Variants in SLC30A8 observed in about 807,000 individuals in gnomAD.
The protein encoded by SLC30A8 is solute carrier family 30 member 8.
In SLC30A8, 27 loss-of-function variants were observed where a neutral mutation model predicts 36.9. The observed-to-expected ratio is 0.73, with a 90% confidence interval of 0.54 to 1.01. The LOEUF is 1.01. SLC30A8 is among the 50% of genes least tolerant of loss of function. The probability of loss-of-function intolerance (pLI) is 0.00; values close to 1 mark genes in which losing one functional copy is unlikely to be tolerated. For missense variants in SLC30A8, 439 were observed against 452.0 expected (o/e 0.97, Z 0.26); for synonymous variants, 164 against 172.4 (o/e 0.95, Z 0.38).
intron 2 of SLC30A8, among the ~76,000 whole-genome samples, chr8:117,149,590 A>C (rs1282491392): frequency 6.6e-6 from 1 of 152,202 alleles, no homozygotes; most frequent in Non-Finnish European, 1.5e-5. Flanking sequence ...TTTTGGGTGA[A>C]TCAGTGCGTG....
At chr8:117,148,723 T>C (rs1822019448) in intron 2 of SLC30A8, among the ~76,000 whole-genome samples, 1 of 152,168 alleles carries the variant, frequency 6.6e-6, no homozygotes, top group African/African-American at 2.4e-5. Context: ...GGTTTTATGG[T>C]GTTCATCTTA....
intron 2 of SLC30A8, among the ~76,000 whole-genome samples, chr8:117,152,335 G>A (rs1822229912): frequency 6.6e-6 from 1 of 152,170 alleles, no homozygotes; most frequent in African/African-American, 2.4e-5. Context: ...GGACTCTCAT[G>A]GCTTACATTG....
At chr8:117,077,094 C>T (rs1274360186) in intron 2 of SLC30A8, among the ~76,000 whole-genome samples, 3 of 152,164 alleles carry the variant, frequency 2.0e-5, no homozygotes, top group Non-Finnish European at 4.4e-5. Context: ...GATAGACCAC[C>T]TGTTTACACT....
intron 1 of SLC30A8, among the ~76,000 whole-genome samples, chr8:116,979,422 A>G (rs1334051894): frequency 6.6e-6 from 1 of 152,170 alleles, no homozygotes; most frequent in African/African-American, 2.4e-5. Context: ...CCAGAAATGG[A>G]GCAGGACATC....
chr8:117,161,855 T>C lies in SLC30A8; in HGVS notation c.690T>C (p.Ser230=), dbSNP rs765589518. The change falls in exon 5 of 8, where the codon AGT becomes AGC. Residue 230 remains serine, a synonymous_variant. Transcript: ENST00000456015. ...TTGGAGATCTATTTCAGAGTATCAG[T>C]GTGCTAATTAGTGCACTTATTATCT... The part of the protein sequence containing the change: ...HALGDLFQSI[S]VLISALIIYF... 6.2e-7 allele frequency: 1 copy of C among 1,613,884 alleles called. No homozygotes were observed. Among genetic ancestry groups the C allele is most frequent in the African/African-American group, 1.3e-5 (1 of 75,034 alleles).
At chr8:117,061,559 A>G (rs114316833) in intron 2 of SLC30A8, among the ~76,000 whole-genome samples, 2,331 of 152,342 alleles carry the variant, frequency 0.015, 54 homozygotes, top group African/African-American at 0.049. Context: ...AAACATGGAA[A>G]TATTTTTTCC....
chr8:117,104,504 G>C (rs2130864743), intron 2 of SLC30A8, among the ~76,000 whole-genome samples: 1 of 152,138 alleles, frequency 6.6e-6, no homozygotes, highest in South Asian at 2.1e-4. Context: ...GCAACATTCT[G>C]TTCATGACAA....
At chr8:117,035,656 C>A (rs921411147) in intron 1 of SLC30A8, among the ~76,000 whole-genome samples, 1 of 152,250 alleles carries the variant, frequency 6.6e-6, no homozygotes, top group African/African-American at 2.4e-5. Context: ...ACACATTTCC[C>A]TTTCACACTG....
At chr8:116,959,423 T>C (rs191122081) in intron 1 of SLC30A8, among the ~76,000 whole-genome samples, 7 of 152,356 alleles carry the variant, frequency 4.6e-5, no homozygotes, top group African/African-American at 7.2e-5. Context: ...TAGTTCTAGA[T>C]TGGCTTCAAT....
chr8:117,097,255 C>T (rs1438042399), intron 2 of SLC30A8, among the ~76,000 whole-genome samples: 2 of 148,630 alleles, frequency 1.3e-5, no homozygotes, highest in African/African-American at 2.5e-5. Context: ...AAAAATTAGC[C>T]GGGCATGGTG....
chr8:116,959,145 G>T (rs1301041038), intron 1 of SLC30A8, among the ~76,000 whole-genome samples: 1 of 152,048 alleles, frequency 6.6e-6, no homozygotes, highest in South Asian at 2.1e-4. Context: ...AACCGTGCCC[G>T]GCCCACTCTT....
chr8:116,997,746 C>T (rs914813048), intron 1 of SLC30A8, among the ~76,000 whole-genome samples: 15 of 152,056 alleles, frequency 9.9e-5, no homozygotes, highest in Non-Finnish European at 2.9e-5. Context: ...GTAAATGAGA[C>T]CCAAGGCTTG....
Position 117,033,395 on chromosome 8 carries a change from A to C in SLC30A8, c.-265-5824A>C, listed in dbSNP as rs113209463. On this transcript the variant is annotated intron_variant, in intron 1 of 10. Coordinates refer to the SLC30A8 transcript ENST00000427715. ...GTGTGGAATTATACTGTATGATTCC[A>C]TTTATAAGACACATCCACAATAGGT... Among the ~76,000 whole-genome samples, 153 of 152,366 alleles carry C rather than the reference A, an allele frequency of 1.0e-3. 2 individuals carry two copies. The highest frequency in any genetic ancestry group is 3.3e-3 in the African/African-American group (138 of 41,586).
intron 2 of SLC30A8, among the ~76,000 whole-genome samples, chr8:117,048,013 A>G (rs1012160836): frequency 2.6e-5 from 4 of 152,234 alleles, no homozygotes; most frequent in Admixed American, 2.0e-4. Context: ...TGTTTAGCAT[A>G]TAATCAAGAA....
chr8:117,087,458 T>G (rs563582133), intron 2 of SLC30A8, among the ~76,000 whole-genome samples: 35 of 152,322 alleles, frequency 2.3e-4, no homozygotes, highest in African/African-American at 8.4e-4. Context: ...TGGGCCATCT[T>G]TCCTTTTTCT....
At chr8:117,068,029 A>AT (rs1193057563) in intron 2 of SLC30A8, among the ~76,000 whole-genome samples, 1 of 152,240 alleles carries the variant, frequency 6.6e-6, no homozygotes, top group Non-Finnish European at 1.5e-5. Flanking sequence ...GAACAGATTC[A>AT]TTTTTTATAT....
chr8:116,976,098 C>T (rs1814994289), intron 1 of SLC30A8, among the ~76,000 whole-genome samples: 1 of 152,120 alleles, frequency 6.6e-6, no homozygotes, highest in Non-Finnish European at 1.5e-5. Context: ...ATCAGTGAAG[C>T]TGGTAAATGT....
chr8:117,066,081 A>T (rs113765788), intron 2 of SLC30A8, among the ~76,000 whole-genome samples: 1 of 152,206 alleles, frequency 6.6e-6, no homozygotes, highest in Non-Finnish European at 1.5e-5. Flanking sequence ...GGAGACCATC[A>T]TCTTTCTATC....
chr8:117,002,839 A>G (rs1033415336), intron 1 of SLC30A8, among the ~76,000 whole-genome samples: 6 of 152,090 alleles, frequency 3.9e-5, no homozygotes, highest in African/African-American at 1.2e-4. Context: ...TCTTGACCTC[A>G]TGATCTGCCT....
Sources: allele counts gnomAD v4.1 joint callset (sites outside exome capture counted in the v4.1 genomes callset), GRCh38; gene constraint gnomAD v4.1.1; transcripts MANE v1.5; gene names NCBI Gene and HGNC (gene_info 2026-07-23, HGNC 2026-07-21).